Variants in GJC1 observed in about 807,000 individuals in gnomAD.
GJC1 encodes gap junction protein gamma 1, also known as gap junction gamma-1 protein.
GJC1 carries 5 observed loss-of-function variants against 29.3 expected under a neutral mutation model. That is an observed-to-expected ratio of 0.17 (90% CI 0.09 to 0.36). GJC1 has a LOEUF of 0.36. Ranked by LOEUF, GJC1 falls within the 10% of genes least tolerant of loss-of-function variation. The probability of loss-of-function intolerance (pLI) is 1.00; values close to 1 mark genes in which losing one functional copy is unlikely to be tolerated. For synonymous variants in GJC1, 177 were observed against 183.3 expected, an observed-to-expected ratio of 0.97 and a Z score of 0.28; for missense variants, 310 against 496.2, an observed-to-expected ratio of 0.62 and a Z score of 3.56.
intron 1 of GJC1, among the ~76,000 whole-genome samples, chr17:44,823,085 G>A (rs962704876): frequency 2.0e-5 from 3 of 152,066 alleles, no homozygotes; most frequent in Non-Finnish European, 4.4e-5. Context: ...AGCCAAAACT[G>A]ATAAATACTA....
chr17:44,810,292 C>T (rs1441423961), intron 1 of GJC1, among the ~76,000 whole-genome samples: 4 of 152,160 alleles, frequency 2.6e-5, no homozygotes, highest in South Asian at 2.1e-4. Flanking sequence ...CCATCGCGCC[C>T]GGCCAAATGT....
rs534927485 is a variant in GJC1 at position 44,818,106 on chromosome 17, G to A, written c.-96-10637C>T. Among the ~76,000 whole-genome samples, 30 of 151,724 alleles carry A rather than the reference G, an allele frequency of 2.0e-4. 1 individual carries two copies. The East Asian group carries it at 5.5e-3, about 28-fold the overall frequency. On this transcript the variant is annotated intron_variant, in intron 1 of 2. Coordinates refer to ENST00000592524, the MANE Select transcript of GJC1 (RefSeq NM_005497.4). ...TGGGCACCTGTAATCCCAGCTACTC[G>A]GGAGGCTGAGACTGGAGAATCACTT... is the stretch of plus-strand genomic sequence containing the variant.
intron 1 of GJC1, among the ~76,000 whole-genome samples, chr17:44,827,454 A>G (rs1018609943): frequency 2.0e-5 from 3 of 152,226 alleles, no homozygotes; most frequent in Non-Finnish European, 2.9e-5. Context: ...GTTCAGAAAT[A>G]AGTAATCATA....
At chr17:44,795,949 G>A (rs908378481), downstream of GJC1, among the ~76,000 whole-genome samples, 3 of 152,214 alleles carry the variant, frequency 2.0e-5, no homozygotes, top group Non-Finnish European at 4.4e-5. Flanking sequence ...CTCAGCAGAT[G>A]GGGGAGCCAG....
At chr17:44,806,512 G>A (rs2049915618) in intron 2 of GJC1, among the ~76,000 whole-genome samples, 1 of 149,418 alleles carries the variant, frequency 6.7e-6, no homozygotes, top group Non-Finnish European at 1.5e-5. Context: ...TGATTCTTGT[G>A]CCTCAGCCTC....
chr17:44,797,001 C>T (rs1389838010), downstream of GJC1, among the ~76,000 whole-genome samples: 1 of 152,148 alleles, frequency 6.6e-6, no homozygotes, highest in Non-Finnish European at 1.5e-5. Flanking sequence ...TGAGTACTAC[C>T]ATGCCTAGCT....
chr17:44,810,119 C>T (rs2049960233), intron 1 of GJC1, among the ~76,000 whole-genome samples: 1 of 151,874 alleles, frequency 6.6e-6, no homozygotes, highest in Non-Finnish European at 1.5e-5. Context: ...GCCTCGGCCT[C>T]CCAAAATCCT....
chr17:44,827,873 AG>A (rs2050193501), intron 1 of GJC1, among the ~76,000 whole-genome samples: 1 of 149,758 alleles, frequency 6.7e-6, no homozygotes. Context: ...CAAAAAAAAA[AG>A]GAAAAGGAAA....
In GJC1 at chr17:44,830,236, T is replaced by TGCCGCCGCCGCC. The variant is rs997845649; in HGVS notation, c.-283_-272dup. 3.1e-5 allele frequency: 5 copies of TGCCGCCGCCGCC among 160,502 alleles called. 1 individual carries two copies. The highest frequency in any genetic ancestry group is 1.8e-4 in the East Asian group (1 of 5,548). The allele number at this position is 160,502 out of a possible 1,614,324, so 9.9% of individuals were successfully genotyped here. A position where few individuals can be genotyped will look rare whatever the true frequency, so the allele number is the denominator to read the frequency against. On this transcript the variant is annotated 5_prime_UTR_variant, in exon 1 of 3. Coordinates refer to ENST00000592524, the MANE Select transcript of GJC1 (RefSeq NM_005497.4). The surrounding 1 kb of genome is among the most constrained non-coding windows in gnomAD (Gnocchi z 4.3). ...CCGAGGCAGAAGCCGCTCCCGCCGC[T>TGCCGCCGCCGCC]GCCGCCGCCGCCGCCGCCTCCCGCT...
chr17:44,817,333 G>A (rs1357023717), intron 1 of GJC1, among the ~76,000 whole-genome samples: 2 of 151,962 alleles, frequency 1.3e-5, no homozygotes, highest in African/African-American at 2.4e-5. Context: ...TTGACCACTC[G>A]CTAGTAAAGA....
rs1005155860 is a variant in GJC1 at position 44,800,995 on chromosome 17, G to A, written c.*3632C>T. 1 of 151,976 alleles carries A rather than the reference G, an allele frequency of 6.6e-6. No homozygotes were observed. Among genetic ancestry groups the A allele is most frequent in the Non-Finnish European group, 1.5e-5 (1 of 68,014 alleles). The allele number at this position is 151,976 out of a possible 1,614,324, so 9.4% of individuals were successfully genotyped here. On this transcript the variant is annotated 3_prime_UTR_variant, in exon 3 of 3. Coordinates refer to ENST00000592524, the MANE Select transcript of GJC1 (RefSeq NM_005497.4). ...TCTGAATAACGGGTTTTAAGAGCAG[G>A]CCAGGCGCGGTGGCTCACGCCTGTA...
Position 44,805,421 on chromosome 17 carries a change from C to T in GJC1, c.397G>A (p.Asp133Asn), listed in dbSNP as rs2049902010. Residue 133 changes from aspartate (D) to asparagine (N), a missense_variant, in exon 3 of 3, where the codon GAC becomes AAC. Around this residue, in one of 4 missense-constraint regions of GJC1, gnomAD observed 82 missense variants for 100.7 expected, o/e 0.81. Coordinates refer to ENST00000592524, the MANE Select transcript of GJC1 (RefSeq NM_005497.4). This position sits in a 1 kb window ranked among gnomAD's most constrained non-coding sequence, Gnocchi z 5.1. Reference protein sequence around the residue: ...QHRALEETEEDNEEDPMMYPE... With the variant: ...QHRALEETEENNEEDPMMYPE... ...TACATCATAGGATCCTCTTCGTTGT[C>T]CTCCTCCGTTTCTTCCAGAGCCCGG... 1.2e-6 allele frequency: 2 copies of T among 1,614,184 alleles called. No homozygotes were observed. The highest frequency in any genetic ancestry group is 1.7e-6 in the Non-Finnish European group (2 of 1,180,022).
intron 1 of GJC1, chr17:44,829,732 G>C (rs2050210421): frequency 6.6e-6 from 1 of 152,036 alleles, no homozygotes; most frequent in African/African-American, 2.4e-5. Flanking sequence ...CGCCGCTTCT[G>C]TCCGGGCTCC....
At chr17:44,795,591 T>C (rs2049778389), downstream of GJC1, among the ~76,000 whole-genome samples, 1 of 152,208 alleles carries the variant, frequency 6.6e-6, no homozygotes, top group Non-Finnish European at 1.5e-5. Context: ...TTGCAGGGTG[T>C]GCAATGGGAG....
chr17:44,808,846 G>C (rs549978623), intron 1 of GJC1, among the ~76,000 whole-genome samples: 50 of 152,136 alleles, frequency 3.3e-4, no homozygotes, highest in Non-Finnish European at 5.9e-4. Flanking sequence ...GGGAAGCCGA[G>C]GTGGGTGGAT....
At chr17:44,819,695 TAAATAAATAAA>T (rs759327000) in intron 1 of GJC1, among the ~76,000 whole-genome samples, 7 of 117,862 alleles carry the variant, frequency 5.9e-5, no homozygotes, top group East Asian at 5.6e-4. Flanking sequence ...AATAAATAAA[TAAATAAATAAA>T]AAGAATTTCC....
At chr17:44,797,502 C>T (rs8064669), downstream of GJC1, 132,681 of 152,148 alleles carry the variant, frequency 0.87, 57,983 homozygotes, top group Middle Eastern at 0.91. Flanking sequence ...TGTGAGCACC[C>T]GCTAACAGCT....
Position 44,805,287 on chromosome 17 carries a change from A to G in GJC1, c.531T>C (p.Tyr177=), listed in dbSNP as rs1292928796. The G allele has an allele frequency of 1.9e-6, 3 of 1,614,088 alleles. No individual in the cohort carries two copies. The highest frequency in any genetic ancestry group is 1.7e-5 in the Admixed American group (1 of 60,010). The change falls in exon 3 of 3, where the codon TAT becomes TAC. Residue 177 remains tyrosine, a synonymous_variant. Coordinates refer to ENST00000592524, the MANE Select transcript of GJC1 (RefSeq NM_005497.4). The surrounding 1 kb of genome is among the most constrained non-coding windows in gnomAD (Gnocchi z 5.1). ...RIREDGLMKI[Y]VLQLLARTVF... is the part of the protein sequence containing the mutation. ...CGGTCCTTGCCAGCAACTGCAGCAC[A>G]TAGATTTTCATGAGCCCATCTTCCC...
At chr17:44,819,475 T>A (rs1486121612) in intron 1 of GJC1, among the ~76,000 whole-genome samples, 1 of 151,630 alleles carries the variant, frequency 6.6e-6, no homozygotes, top group Admixed American at 6.6e-5. Flanking sequence ...TGGCTAACAC[T>A]GTGAAACCCC....
Sources: allele counts gnomAD v4.1 joint callset (sites outside exome capture counted in the v4.1 genomes callset), GRCh38; gene constraint gnomAD v4.1.1; regional missense constraint gnomAD v4.1.1; non-coding constraint Gnocchi (gnomAD v3.1); transcripts MANE v1.5; gene names NCBI Gene and HGNC (gene_info 2026-07-23, HGNC 2026-07-21).